Variants in ZNF106 observed in about 807,000 individuals in gnomAD.
ZNF106 encodes SH3-domain binding protein 3.
ZNF106 carries 67 observed loss-of-function variants against 195.1 expected under a neutral mutation model. The observed-to-expected ratio is 0.34, with a 90% CI of 0.28 to 0.42. The LOEUF is 0.42. Ranked by LOEUF, ZNF106 falls within the 10% of genes least tolerant of loss-of-function variation. The probability of loss-of-function intolerance (pLI) is 1.00; values close to 1 mark genes in which losing one functional copy is unlikely to be tolerated. For missense variants in ZNF106, 2,118 were observed against 2,304.5 expected (o/e 0.92, Z 1.66); for synonymous variants, 784 against 818.6 (o/e 0.96, Z 0.72).
chr15:42,462,408 G>A (rs1354152649), intron 3 of ZNF106, among the ~76,000 whole-genome samples: 1 of 152,148 alleles, frequency 6.6e-6, no homozygotes, highest in Non-Finnish European at 1.5e-5. Flanking sequence ...GACCAGCCTG[G>A]TCAACATGGC....
At chr15:42,471,599 C>T (rs2056669801) in intron 2 of ZNF106, among the ~76,000 whole-genome samples, 1 of 152,134 alleles carries the variant, frequency 6.6e-6, no homozygotes, top group Non-Finnish European at 1.5e-5. Context: ...TACCCAGCAG[C>T]ACATGCCTGT....
At chr15:42,478,982 T>C (rs1200481464) in intron 1 of ZNF106, among the ~76,000 whole-genome samples, 1 of 152,232 alleles carries the variant, frequency 6.6e-6, no homozygotes, top group Non-Finnish European at 1.5e-5. Context: ...TACTTTCTAA[T>C]TTCTCTTGTG....
intron 14 of ZNF106, among the ~76,000 whole-genome samples, chr15:42,431,010 AT>A (rs2055030325): frequency 6.6e-6 from 1 of 151,954 alleles, no homozygotes; most frequent in Non-Finnish European, 1.5e-5. Context: ...AAAACCACGA[AT>A]TTCCCTTTTA....
Position 42,446,579 on chromosome 15 carries a change from T to C in ZNF106, c.3205+10A>G. On this transcript the variant is annotated intron_variant, in intron 7 of 21. Coordinates refer to ENST00000564754, the MANE Select transcript of ZNF106 (RefSeq NM_001366845.3). ...CCAACTTCTTTCTTCCAAAATATTC[T>C]GCACCATACCTTTTTTTCCTTTAAT... 1 of 1,583,424 alleles carries C rather than the reference T, an allele frequency of 6.3e-7. No homozygotes were observed. Among genetic ancestry groups the C allele is most frequent in the Non-Finnish European group, 8.6e-7 (1 of 1,161,258 alleles).
At chr15:42,468,068 CTTTTTTTTTTTTT>C (rs200457966) in intron 2 of ZNF106, among the ~76,000 whole-genome samples, 7 of 102,130 alleles carry the variant, frequency 6.9e-5, no homozygotes, top group East Asian at 2.9e-4. Flanking sequence ...TTCAAAACGC[CTTTTTTTTTTTTT>C]TTTTTTTTTT....
chr15:42,483,926 T>C (rs1437508603), intron 1 of ZNF106, among the ~76,000 whole-genome samples: 1 of 152,184 alleles, frequency 6.6e-6, no homozygotes, highest in Non-Finnish European at 1.5e-5. Flanking sequence ...TCTCCCAGAC[T>C]AGGTCATACC....
At position 42,443,602 on chromosome 15, in the gene ZNF106, C is replaced by T. The variant is rs146845292; in HGVS notation, c.3421+600G>A. On this transcript the variant is annotated intron_variant, in intron 9 of 21. Transcript: ENST00000564754. Reference sequence around the variant, plus strand: ...TTTAATAACCAGGCATGGTGACACACGTCTGTAGTCCCAGCTACTGGGGGG... The same window carrying T: ...TTTAATAACCAGGCATGGTGACACATGTCTGTAGTCCCAGCTACTGGGGGG... Among the ~76,000 whole-genome samples the T allele has an allele frequency of 4.5e-3, 676 of 151,784 alleles. 6 individuals are homozygous for T. Among genetic ancestry groups the T allele is most frequent in the Non-Finnish European group, 7.9e-3 (539 of 67,978 alleles).
chr15:42,470,927 T>A (rs2056651155), intron 2 of ZNF106, among the ~76,000 whole-genome samples: 2 of 152,206 alleles, frequency 1.3e-5, no homozygotes, highest in African/African-American at 4.8e-5. Context: ...TAAATCTCAC[T>A]AATTTTTCCA....
Position 42,424,066 on chromosome 15 carries a change from AG to A in ZNF106, c.5191-7del. 6.2e-7 allele frequency: 1 copy of A among 1,611,636 alleles called. No homozygotes were observed. Among genetic ancestry groups the A allele is most frequent in the East Asian group, 2.2e-5 (1 of 44,856 alleles). ...AACACGAGATCATTCACCACCTTAA[AG>A]AAAAAATTAAACAAGTCAGATTCTG... On this transcript the variant is annotated splice_polypyrimidine_tract_variant and splice_region_variant and intron_variant, in intron 16 of 21. Coordinates refer to ENST00000564754, the MANE Select transcript of ZNF106 (RefSeq NM_001366845.3).
chr15:42,472,622 C>A (rs560594419), intron 1 of ZNF106, among the ~76,000 whole-genome samples: 1 of 152,140 alleles, frequency 6.6e-6, no homozygotes, highest in African/African-American at 2.4e-5. Flanking sequence ...ACTACTGAAA[C>A]GACTCCTTCC....
chr15:42,474,952 C>T (rs1311070306), intron 1 of ZNF106, among the ~76,000 whole-genome samples: 1 of 152,166 alleles, frequency 6.6e-6, no homozygotes, highest in Non-Finnish European at 1.5e-5. Flanking sequence ...TCTGCTTCCT[C>T]ATTTGGGGTA....
intron 1 of ZNF106, among the ~76,000 whole-genome samples, chr15:42,475,179 A>G (rs536016135): frequency 6.6e-6 from 1 of 152,206 alleles, no homozygotes; most frequent in Non-Finnish European, 1.5e-5. Flanking sequence ...CAGGCCAGGC[A>G]TGGTGGCTCA....
intron 7 of ZNF106, among the ~76,000 whole-genome samples, chr15:42,445,851 A>C (rs1215827813): frequency 6.6e-6 from 1 of 152,230 alleles, no homozygotes; most frequent in Non-Finnish European, 1.5e-5. Flanking sequence ...AGTCAAGGAA[A>C]AGCAAGAATC....
chr15:42,451,707 C>T lies in ZNF106; in HGVS notation c.565G>A (p.Gly189Ser), dbSNP rs371563101. The T allele has an allele frequency of 1.8e-5, 29 of 1,614,192 alleles. No individual in the cohort carries two copies. The highest frequency in any genetic ancestry group is 2.4e-5 in the Non-Finnish European group (28 of 1,180,038). The change falls in exon 5 of 22, where the codon GGT becomes AGT. Residue 189 changes from glycine (G) to serine (S), a missense_variant. Transcript: ENST00000564754. ...GPRGRSGWHK[G>S]VAGGSSTWFH... ...CAAGTCGAGGAGCCTCCTGCAACAC[C>T]CTTATGCCACCCGGAACGTCCTCTT...
intron 4 of ZNF106, among the ~76,000 whole-genome samples, chr15:42,452,399 T>C (rs1416206474): frequency 1.3e-5 from 2 of 152,022 alleles, no homozygotes; most frequent in Non-Finnish European, 2.9e-5. Flanking sequence ...GGAGCACGCC[T>C]GTAACCCCAG....
chr15:42,425,352 C>T (rs1266504556), intron 15 of ZNF106: 1 of 253,098 alleles, frequency 4.0e-6, no homozygotes, highest in Non-Finnish European at 7.6e-6. Context: ...GAAGGGTGAA[C>T]CTTTTTTTTT....
intron 4 of ZNF106, 102 bp downstream of exon 4, chr15:42,456,856 C>T (rs1246552326): frequency 2.8e-6 from 3 of 1,090,556 alleles, no homozygotes; most frequent in Non-Finnish European, 3.9e-6. Flanking sequence ...AAACTTTATA[C>T]CTAAGTTTAA....
chr15:42,485,150 A>G (rs1411159073), intron 1 of ZNF106, among the ~76,000 whole-genome samples: 1 of 152,230 alleles, frequency 6.6e-6, no homozygotes, highest in African/African-American at 2.4e-5. Context: ...ACCTTACCTC[A>G]GAAAAACAAC....
intron 2 of ZNF106, among the ~76,000 whole-genome samples, chr15:42,469,678 C>CA (rs749356164): frequency 8.0e-5 from 12 of 150,742 alleles, no homozygotes; most frequent in Non-Finnish European, 1.6e-4. Context: ...ATCATCCCTA[C>CA]AAAAAAAAAT....
Sources: gnomAD v4.1 joint callset for allele counts (sites outside exome capture counted in the v4.1 genomes callset) on GRCh38, gnomAD v4.1.1 for gene constraint, MANE v1.5 for transcripts, NCBI Gene and HGNC (gene_info 2026-07-23, HGNC 2026-07-21) for gene names.